The following FOLH1 variants were observed in gnomAD, a reference collection of about 807,000 sequenced individuals.
The protein encoded by FOLH1 is glutamate carboxypeptidase 2.
A neutral mutation model predicts 93.9 loss-of-function variants in FOLH1; 54 were observed. That is an observed-to-expected ratio of 0.57 (90% confidence interval 0.46 to 0.72). The LOEUF is 0.72. Ranked by LOEUF, FOLH1 falls within the 30% of genes least tolerant of loss-of-function variation. The pLI is 0.00. For synonymous variants in FOLH1, 249 were observed against 303.6 expected, an observed-to-expected ratio of 0.82 and a Z score of 1.87; for missense variants, 571 against 892.5, an observed-to-expected ratio of 0.64 and a Z score of 4.59.
At chr11:49,203,812 T>C (rs1314238129) in intron 2 of FOLH1, among the ~76,000 whole-genome samples, 1 of 152,194 alleles carries the variant, frequency 6.6e-6, no homozygotes, top group Admixed American at 6.5e-5. Flanking sequence ...CAGGAGCAAG[T>C]CAGGAGGGGG....
Position 49,208,462 on chromosome 11 carries a change from A to G in FOLH1, c.-53T>C, listed in dbSNP as rs1307635778. ...GGACCCGCGCCTGTGCTGCTGCTCT[A>G]CTGCGCGCCCTCCAACCACCACGGC... On this transcript the variant is annotated 5_prime_UTR_variant, in exon 1 of 19. Coordinates refer to ENST00000256999, the MANE Select transcript of FOLH1 (RefSeq NM_004476.3). 5.4e-6 allele frequency: 7 copies of G among 1,293,630 alleles called. No homozygotes were observed. Among genetic ancestry groups the G allele is most frequent in the African/African-American group, 1.5e-5 (1 of 67,728 alleles). The allele number at this position is 1,293,630 out of a possible 1,614,324, so 80.1% of individuals were successfully genotyped here. A position where few individuals can be genotyped will look rare whatever the true frequency, so the allele number is the denominator to read the frequency against.
At chr11:49,183,069 T>TG (rs1208812223) in intron 7 of FOLH1, 80 bp downstream of exon 7, 23 of 1,236,190 alleles carry the variant, frequency 1.9e-5, no homozygotes, top group Non-Finnish European at 2.6e-5. Context: ...TACTAAAAAA[T>TG]GGAGATAAAA....
At chr11:49,158,502 G>A (rs562163498) in intron 13 of FOLH1, among the ~76,000 whole-genome samples, 19 of 152,114 alleles carry the variant, frequency 1.2e-4, no homozygotes, top group East Asian at 3.9e-4. Flanking sequence ...ACAATAAACC[G>A]CAATGTCTGT....
rs1864231851 is a variant in FOLH1, at chr11:49,208,496, GTCTC to G, written c.-91_-88del. ...CCTCCAACCACCACGGCGGGGTAAA[GTCTC>G]TCTCAATCTCACTAATGCCTCGCTT... On this transcript the variant is annotated 5_prime_UTR_variant, in exon 1 of 19. Transcript: ENST00000256999. 1 of 906,528 alleles carries G rather than the reference GTCTC, an allele frequency of 1.1e-6. No homozygotes were observed. Among genetic ancestry groups the G allele is most frequent in the African/African-American group, 1.7e-5 (1 of 59,704 alleles). 56.2% of individuals were successfully genotyped at this position (906,528 alleles called of 1,614,324 possible).
At chr11:49,177,622 C>T (rs112259494) in intron 7 of FOLH1, among the ~76,000 whole-genome samples, 1,986 of 151,450 alleles carry the variant, frequency 0.013, 47 homozygotes, top group African/African-American at 0.046. Context: ...GCTGAAAGTG[C>T]GGGAGAATGC....
intron 11 of FOLH1, among the ~76,000 whole-genome samples, chr11:49,169,760 T>C (rs180784579): frequency 7.9e-4 from 120 of 152,318 alleles, no homozygotes; most frequent in Non-Finnish European, 1.5e-3. Context: ...GGCTCTCCTG[T>C]AGGATGGTAC....
Position 49,208,429 on chromosome 11 carries a change from GCCTCCC to G in FOLH1, c.-26_-21del. ...CCACATCTCGGCGCGAGCAGAGCCGGCCTCCCGGGACCCGCGCCTGTGCTGCTGCTC... is the reference window on the plus strand; with the variant it reads ...CCACATCTCGGCGCGAGCAGAGCCGGGGGACCCGCGCCTGTGCTGCTGCTC... On this transcript the variant is annotated 5_prime_UTR_variant, in exon 1 of 19. Coordinates refer to ENST00000256999, the MANE Select transcript of FOLH1 (RefSeq NM_004476.3). 6.4e-7 allele frequency: 1 copy of G among 1,555,290 alleles called. No individual in the cohort carries two copies. The highest frequency in any genetic ancestry group is 8.8e-7 in the Non-Finnish European group (1 of 1,140,108).
At position 49,206,996 on chromosome 11, in the gene FOLH1, T is replaced by C. The variant is rs1323436842; in HGVS notation, c.119-824A>G. 8.8e-6 allele frequency: 5 copies of C among 565,558 alleles called. No individual in the cohort carries two copies. In the East Asian group the frequency reaches 1.4e-4, roughly 16 times the overall value. 35.0% of individuals were successfully genotyped at this position (565,558 alleles called of 1,614,324 possible). ...GGAGCTTTCCAATTATTAATTATTC[T>C]AGTTCTTAATCGCATGCATACAAAT... On this transcript the variant is annotated intron_variant, in intron 1 of 18. Transcript: ENST00000256999.
intron 3 of FOLH1, among the ~76,000 whole-genome samples, chr11:49,194,706 T>C (rs1862439687): frequency 6.6e-6 from 1 of 151,674 alleles, no homozygotes; most frequent in Non-Finnish European, 1.5e-5. Context: ...AAATCAGCTG[T>C]GTACCAATTG....
intron 7 of FOLH1, among the ~76,000 whole-genome samples, chr11:49,176,817 T>A (rs1450627120): frequency 7.8e-6 from 1 of 128,036 alleles, no homozygotes; most frequent in African/African-American, 3.6e-5. Flanking sequence ...GGGCATTTTG[T>A]TCCTTAACAA....
Position 49,145,506 on chromosome 11 carries a change from G to T in FOLH1, c.*1250C>A, listed in dbSNP as rs969626133. On this transcript the variant is annotated 3_prime_UTR_variant, in exon 19 of 19. Coordinates refer to ENST00000256999, the MANE Select transcript of FOLH1 (RefSeq NM_004476.3). ...CCAAATTTGTAGTAGAGCCCCTCTG[G>T]CTTGACATTTCTTCATAAACAGCTT... Among the ~76,000 whole-genome samples, 3 of 152,144 alleles carry T rather than the reference G, an allele frequency of 2.0e-5. No homozygotes were observed. The highest frequency in any genetic ancestry group is 7.2e-5 in the African/African-American group (3 of 41,444).
chr11:49,149,837 C>A (rs1856282392), intron 17 of FOLH1, among the ~76,000 whole-genome samples: 1 of 152,024 alleles, frequency 6.6e-6, no homozygotes, highest in African/African-American at 2.4e-5. Context: ...CTAACATTTT[C>A]AAATGTAAGC....
At chr11:49,169,662 T>C (rs1457093650) in intron 11 of FOLH1, among the ~76,000 whole-genome samples, 7 of 152,228 alleles carry the variant, frequency 4.6e-5, no homozygotes, top group Admixed American at 1.3e-4. Context: ...TCATATGGAA[T>C]GAAGGTATTT....
Position 49,146,100 on chromosome 11 carries a change from G to T in FOLH1, c.*656C>A, listed in dbSNP as rs1378608495. ...AAATAAACATAAAATTCAAGAAAAT[G>T]CAAAAGCATAACTGTCATTAGTACA... On this transcript the variant is annotated 3_prime_UTR_variant, in exon 19 of 19. Transcript: ENST00000256999. Among the ~76,000 whole-genome samples, 1 of 152,074 alleles carries T rather than the reference G, an allele frequency of 6.6e-6. No individual in the cohort carries two copies. The highest frequency in any genetic ancestry group is 2.4e-5 in the African/African-American group (1 of 41,402).
intron 3 of FOLH1, among the ~76,000 whole-genome samples, chr11:49,199,288 GTATGT>G (rs1863017594): frequency 1.3e-5 from 2 of 152,142 alleles, no homozygotes; most frequent in Non-Finnish European, 2.9e-5. Flanking sequence ...AAGGATGAAT[GTATGT>G]TATATTTTGT....
intron 7 of FOLH1, among the ~76,000 whole-genome samples, chr11:49,179,278 T>C (rs1158206703): frequency 1.3e-5 from 2 of 152,206 alleles, no homozygotes; most frequent in East Asian, 3.8e-4. Context: ...AGAAAGAAAT[T>C]GAAAAATAGT....
At chr11:49,165,542 G>A (rs558666463) in intron 12 of FOLH1, among the ~76,000 whole-genome samples, 12 of 152,276 alleles carry the variant, frequency 7.9e-5, no homozygotes, top group African/African-American at 2.6e-4. Context: ...GAGGAGTTTT[G>A]GGGGAGGGAA....
chr11:49,208,593 A>G lies in FOLH1; in HGVS notation c.-184T>C. The G allele has an allele frequency of 2.1e-6, 1 of 477,010 alleles. No individual in the cohort carries two copies. Among genetic ancestry groups the G allele is most frequent in the Non-Finnish European group, 3.7e-6 (1 of 269,614 alleles). 29.5% of individuals were successfully genotyped at this position (477,010 alleles called of 1,614,324 possible). ...GTTTCTCCACCACAGCAGTGTTTCT[A>G]GAGTGCACTGAACCAATCCGAGCGA... On this transcript the variant is annotated 5_prime_UTR_variant, in exon 1 of 19. Coordinates refer to ENST00000256999, the MANE Select transcript of FOLH1 (RefSeq NM_004476.3).
intron 12 of FOLH1, among the ~76,000 whole-genome samples, chr11:49,166,489 G>GAGAT (rs1476163250): frequency 1.3e-5 from 2 of 152,184 alleles, no homozygotes; most frequent in Non-Finnish European, 2.9e-5. Flanking sequence ...TAAAGCACCT[G>GAGAT]AGATAGCACC....
Sources: allele counts gnomAD v4.1 joint callset (sites outside exome capture counted in the v4.1 genomes callset), GRCh38; gene constraint gnomAD v4.1.1; transcripts MANE v1.5; gene names NCBI Gene and HGNC (gene_info 2026-07-23, HGNC 2026-07-21).